ST8SIA5: variants seen among roughly 807,000 people sequenced by gnomAD.
The protein encoded by ST8SIA5 is alpha-2,8-sialyltransferase 8E.
In ST8SIA5, 24 loss-of-function variants were observed where a neutral mutation model predicts 40.2. That is an observed-to-expected ratio of 0.60 (90% CI 0.43 to 0.84). The LOEUF (loss-of-function observed/expected upper bound fraction) is 0.84. Among genes scored for constraint, ST8SIA5 ranks in the 40% least tolerant of loss-of-function variants. The pLI is 0.00. For missense variants in ST8SIA5, 465 were observed against 498.5 expected, an observed-to-expected ratio of 0.93 and a Z score of 0.64; for synonymous variants, 198 against 201.8, an observed-to-expected ratio of 0.98 and a Z score of 0.16.
chr18:46,682,132 G>A (rs1663665272), intron 5 of ST8SIA5, 68 bp from the exon 6 acceptor site: 3 of 1,217,596 alleles, frequency 2.5e-6, no homozygotes, highest in Non-Finnish European at 3.4e-6. Context: ...AGGGTGCAGG[G>A]GGAGGGGAGG....
rs2040249574 is a variant in ST8SIA5, at chr18:46,756,520, G to C, written c.-12C>G. On this transcript the variant is annotated 5_prime_UTR_variant, in exon 1 of 7. Transcript: ENST00000315087. ...TCCGCGTAGCGCATCCTGGCTACCG[G>C]GCGCCGCGGGCGCGGGGTACGGGGC... 1 of 1,611,458 alleles carries C rather than the reference G, an allele frequency of 6.2e-7. No individual in the cohort carries two copies. The highest frequency in any genetic ancestry group is 1.7e-5 in the Admixed American group (1 of 59,900).
chr18:46,730,314 C>T (rs934024623), intron 1 of ST8SIA5: 12 of 946,182 alleles, frequency 1.3e-5, no homozygotes, highest in Non-Finnish European at 1.5e-5. Context: ...TCAGTTTTCT[C>T]ATCCGTCAAA....
intron 1 of ST8SIA5, among the ~76,000 whole-genome samples, chr18:46,716,117 T>C (rs541792073): frequency 1.3e-4 from 20 of 151,814 alleles, no homozygotes; most frequent in Admixed American, 1.2e-3. Flanking sequence ...GATAGATAGA[T>C]AGATAGATAG....
At chr18:46,701,211 G>C (rs2039612209) in intron 2 of ST8SIA5, among the ~76,000 whole-genome samples, 1 of 137,618 alleles carries the variant, frequency 7.3e-6, no homozygotes, top group Non-Finnish European at 1.5e-5. Context: ...CACAATCTGG[G>C]CTCACTGCAA....
chr18:46,682,762 C>G (rs115419054), intron 5 of ST8SIA5, among the ~76,000 whole-genome samples: 1 of 152,002 alleles, frequency 6.6e-6, no homozygotes, highest in Non-Finnish European at 1.5e-5. Flanking sequence ...TTATAAGAGA[C>G]GATGTGACAA....
intron 1 of ST8SIA5, among the ~76,000 whole-genome samples, chr18:46,744,973 A>C (rs1412333428): frequency 6.6e-6 from 1 of 152,188 alleles, no homozygotes; most frequent in African/African-American, 2.4e-5. Context: ...CTACTGGGTA[A>C]ATAACGAAAT....
rs1568243974 is a variant in ST8SIA5 at position 46,673,325 on chromosome 18, G to T, written c.*6717C>A. On this transcript the variant is annotated 3_prime_UTR_variant, in exon 7 of 7. Transcript: ENST00000315087. ...GATTCCCGAGCACTTGACTTTTGTTGCTAGGTACATAGTGGGTTATATATT... is the reference window on the plus strand; with the variant it reads ...GATTCCCGAGCACTTGACTTTTGTTTCTAGGTACATAGTGGGTTATATATT... 1 of 152,146 alleles carries T rather than the reference G, an allele frequency of 6.6e-6. No individual in the cohort carries two copies. Among genetic ancestry groups the T allele is most frequent in the Non-Finnish European group, 1.5e-5 (1 of 68,022 alleles). 9.4% of individuals were successfully genotyped at this position (152,146 alleles called of 1,614,324 possible).
At chr18:46,755,467 G>C (rs1391893200) in intron 1 of ST8SIA5, among the ~76,000 whole-genome samples, 1 of 152,162 alleles carries the variant, frequency 6.6e-6, no homozygotes, top group Non-Finnish European at 1.5e-5. Flanking sequence ...CTTGCCAAGA[G>C]AGGCTCTGAT....
In ST8SIA5 at chr18:46,733,684, A is replaced by C. The variant is rs553689104; in HGVS notation, c.131+22694T>G. Among the ~76,000 whole-genome samples the C allele has an allele frequency of 2.6e-4, 39 of 152,254 alleles. No individual in the cohort carries two copies. In the South Asian group the frequency reaches 8.1e-3, roughly 32 times the overall value. On this transcript the variant is annotated intron_variant, in intron 1 of 6. Coordinates refer to ENST00000315087, the MANE Select transcript of ST8SIA5 (RefSeq NM_013305.6). Reference sequence around the variant, plus strand: ...GGCAGTCAGGGAGGCCTCTCTGGGAAGGGGACATGTGAGCAGGACAGGAAG... The same window carrying C: ...GGCAGTCAGGGAGGCCTCTCTGGGACGGGGACATGTGAGCAGGACAGGAAG...
chr18:46,720,115 G>A (rs11659770), intron 1 of ST8SIA5, among the ~76,000 whole-genome samples: 132,729 of 152,106 alleles, frequency 0.87, 58,000 homozygotes, highest in East Asian at 1. Flanking sequence ...CTGGGATTAC[G>A]GGCATGAGCC....
chr18:46,687,860 T>C (rs147888153), intron 4 of ST8SIA5, among the ~76,000 whole-genome samples: 1 of 152,338 alleles, frequency 6.6e-6, no homozygotes, highest in African/African-American at 2.4e-5. Flanking sequence ...AGAGCTCTCC[T>C]GAATGTGGTT....
At chr18:46,741,419 GGT>G (rs2040085368) in intron 1 of ST8SIA5, among the ~76,000 whole-genome samples, 1 of 152,136 alleles carries the variant, frequency 6.6e-6, no homozygotes, top group Non-Finnish European at 1.5e-5. Flanking sequence ...GAAAACATTA[GGT>G]GCAGATGGTT....
intron 1 of ST8SIA5, among the ~76,000 whole-genome samples, chr18:46,742,948 G>A (rs1383423047): frequency 3.3e-5 from 5 of 152,182 alleles, no homozygotes; most frequent in African/African-American, 7.2e-5. Flanking sequence ...TGGACCTCCA[G>A]GAAACTCCAA....
intron 1 of ST8SIA5, among the ~76,000 whole-genome samples, chr18:46,709,387 C>A (rs1444479548): frequency 2.0e-5 from 3 of 152,170 alleles, no homozygotes; most frequent in Admixed American, 6.6e-5. Context: ...CAGCCCCCAG[C>A]ACTGTGAGAA....
At chr18:46,754,659 C>G (rs981766107) in intron 1 of ST8SIA5, among the ~76,000 whole-genome samples, 4 of 152,224 alleles carry the variant, frequency 2.6e-5, no homozygotes, top group Non-Finnish European at 4.4e-5. Context: ...ACCTTGTGTG[C>G]CTGCTGAACT....
At chr18:46,754,223 C>T (rs977446630) in intron 1 of ST8SIA5, among the ~76,000 whole-genome samples, 6 of 151,960 alleles carry the variant, frequency 3.9e-5, no homozygotes, top group Non-Finnish European at 8.8e-5. Flanking sequence ...GTGGGAGAGA[C>T]GGGAGGAAAT....
At chr18:46,749,232 G>A (rs371172547) in intron 1 of ST8SIA5, among the ~76,000 whole-genome samples, 2 of 152,318 alleles carry the variant, frequency 1.3e-5, no homozygotes, top group Non-Finnish European at 2.9e-5. Flanking sequence ...TCTGGGAAGC[G>A]ATGGCTAAGG....
intron 1 of ST8SIA5, among the ~76,000 whole-genome samples, chr18:46,715,346 T>G (rs1012810313): frequency 1.3e-5 from 2 of 152,026 alleles, no homozygotes; most frequent in African/African-American, 4.8e-5. Context: ...CTCTTTGAAA[T>G]GTATAATTGC....
chr18:46,689,046 C>T, intron 3 of ST8SIA5, 127 bp from the exon 4 acceptor site: 1 of 1,184,726 alleles, frequency 8.4e-7, no homozygotes, highest in Non-Finnish European at 1.1e-6. Flanking sequence ...CCCACGCTTG[C>T]CCCCACCCTG....
Sources: allele counts gnomAD v4.1 joint callset (sites outside exome capture counted in the v4.1 genomes callset), GRCh38; gene constraint gnomAD v4.1.1; transcripts MANE v1.5; gene names NCBI Gene and HGNC (gene_info 2026-07-23, HGNC 2026-07-21).